The following MLLT3 variants were observed in gnomAD, a reference collection of about 807,000 sequenced individuals.
MLLT3 encodes protein AF-9.
Under a neutral mutation model 53.2 loss-of-function variants are expected in MLLT3, and 4 were observed. The ratio of observed to expected loss-of-function variants is 0.08; its 90% CI spans 0.04 to 0.17. The LOEUF is 0.17. Ranked by LOEUF, MLLT3 falls within the 10% of genes least tolerant of loss-of-function variation. The pLI is 1.00. For missense variants in MLLT3, 569 were observed against 684.0 expected, an observed-to-expected ratio of 0.83 and a Z score of 1.87; for synonymous variants, 283 against 230.6, an observed-to-expected ratio of 1.23 and a Z score of -2.06.
At position 20,346,162 on chromosome 9, in the gene MLLT3, T is replaced by G. The variant is rs1470668243; in HGVS notation, c.*281A>C. Reference sequence around the variant, plus strand: ...TTTCTTGTGTTGTGTTTGATTTGTTTGTTTTCAAGGCTATCCAGGCTAACT... The same window carrying G: ...TTTCTTGTGTTGTGTTTGATTTGTTGGTTTTCAAGGCTATCCAGGCTAACT... On this transcript the variant is annotated 3_prime_UTR_variant, in exon 11 of 11. Coordinates refer to ENST00000380338, the MANE Select transcript of MLLT3 (RefSeq NM_004529.4). The G allele has an allele frequency of 1.4e-5, 5 of 346,908 alleles. No homozygotes were observed. Among genetic ancestry groups the G allele is most frequent in the Non-Finnish European group, 2.1e-5 (4 of 189,640 alleles). 21.5% of individuals were successfully genotyped at this position (346,908 alleles called of 1,614,324 possible).
chr9:20,620,861 C>A lies in MLLT3; in HGVS notation c.13-27G>T, dbSNP rs369353127. 2.5e-6 allele frequency: 4 copies of A among 1,613,138 alleles called. No individual in the cohort carries two copies. The highest frequency in any genetic ancestry group is 2.5e-6 in the Non-Finnish European group (3 of 1,179,518). On this transcript the variant is annotated intron_variant, in intron 1 of 10. Coordinates refer to ENST00000380338, the MANE Select transcript of MLLT3 (RefSeq NM_004529.4). The surrounding 1 kb of genome is among the most constrained non-coding windows in gnomAD (Gnocchi z 6.1). Reference sequence around the variant, plus strand: ...TGCGGGCAGGGGGAGGAGAGACAGCCGTGAATAACAGGAAGGCGAGGTTTC... The same window carrying A: ...TGCGGGCAGGGGGAGGAGAGACAGCAGTGAATAACAGGAAGGCGAGGTTTC...
chr9:20,557,089 C>A (rs1819079020), intron 2 of MLLT3, among the ~76,000 whole-genome samples: 1 of 152,134 alleles, frequency 6.6e-6, no homozygotes, highest in Non-Finnish European at 1.5e-5. Context: ...CAGTTGGAGT[C>A]TCAGGAACAT....
At chr9:20,347,822 GAAT>G (rs1204160810) in intron 10 of MLLT3, among the ~76,000 whole-genome samples, 2 of 152,114 alleles carry the variant, frequency 1.3e-5, no homozygotes, top group African/African-American at 4.8e-5. Flanking sequence ...TTAAAAAAGA[GAAT>G]AATTTTAATT....
intron 2 of MLLT3, among the ~76,000 whole-genome samples, chr9:20,587,443 A>C (rs920578368): frequency 2.0e-5 from 3 of 152,150 alleles, no homozygotes; most frequent in African/African-American, 7.2e-5. Flanking sequence ...AGAGAGCCAA[A>C]ACTCAAACCA....
chr9:20,457,423 A>G (rs1490178862), intron 2 of MLLT3, among the ~76,000 whole-genome samples: 2 of 150,890 alleles, frequency 1.3e-5, no homozygotes, highest in African/African-American at 4.9e-5. Context: ...CTAATTTTGT[A>G]TTTTTAGTAG....
chr9:20,494,333 G>A (rs956017867), intron 2 of MLLT3, among the ~76,000 whole-genome samples: 2 of 151,966 alleles, frequency 1.3e-5, no homozygotes, highest in Non-Finnish European at 2.9e-5. Flanking sequence ...CAGGGGAGAA[G>A]AGGTTTATGC....
chr9:20,483,605 G>A (rs1011823386), intron 2 of MLLT3, among the ~76,000 whole-genome samples: 1 of 149,134 alleles, frequency 6.7e-6, no homozygotes, highest in Admixed American at 6.7e-5. Flanking sequence ...CCAGCAAACT[G>A]TTAATACCAT....
At chr9:20,470,566 T>A (rs778700662) in intron 2 of MLLT3, among the ~76,000 whole-genome samples, 14 of 152,040 alleles carry the variant, frequency 9.2e-5, no homozygotes, top group Non-Finnish European at 1.9e-4. Context: ...CCAGAAAGAC[T>A]ACCAAGAAAC....
intron 5 of MLLT3, among the ~76,000 whole-genome samples, chr9:20,366,845 G>C (rs1354589745): frequency 2.0e-5 from 3 of 152,194 alleles, no homozygotes; most frequent in African/African-American, 7.2e-5. Flanking sequence ...CTGGTCATTA[G>C]AGAAATACAG....
chr9:20,386,069 C>A (rs974511613), intron 5 of MLLT3, among the ~76,000 whole-genome samples: 2 of 152,176 alleles, frequency 1.3e-5, no homozygotes, highest in African/African-American at 4.8e-5. Context: ...CCAATGGGCA[C>A]TGCCATTTCT....
intron 2 of MLLT3, among the ~76,000 whole-genome samples, chr9:20,458,408 G>A (rs1824024732): frequency 6.6e-6 from 1 of 152,156 alleles, no homozygotes; most frequent in Non-Finnish European, 1.5e-5. Context: ...AGCTACCTCT[G>A]CAAAATTATT....
intron 4 of MLLT3, among the ~76,000 whole-genome samples, chr9:20,417,583 C>T (rs549491189): frequency 3.3e-5 from 5 of 152,008 alleles, no homozygotes; most frequent in South Asian, 2.1e-4. Context: ...ATCAAGCAAT[C>T]TAACACAGAG....
chr9:20,477,711 C>T (rs535608485), intron 2 of MLLT3, among the ~76,000 whole-genome samples: 1 of 152,286 alleles, frequency 6.6e-6, no homozygotes, highest in Non-Finnish European at 1.5e-5. Context: ...TCTGGCTCTA[C>T]AGTTCTCCTA....
chr9:20,350,437 T>C (rs1820984493), intron 10 of MLLT3, among the ~76,000 whole-genome samples: 1 of 150,818 alleles, frequency 6.6e-6, no homozygotes, highest in Non-Finnish European at 1.5e-5. Context: ...CTACTAAAAA[T>C]ACAAAAAATT....
chr9:20,428,246 A>T (rs1823184152), intron 4 of MLLT3, among the ~76,000 whole-genome samples: 1 of 152,106 alleles, frequency 6.6e-6, no homozygotes, highest in Admixed American at 6.5e-5. Flanking sequence ...CACTTTCAAA[A>T]TAGGGGCAAT....
intron 4 of MLLT3, among the ~76,000 whole-genome samples, chr9:20,415,697 C>T (rs1293717155): frequency 6.6e-6 from 1 of 151,968 alleles, no homozygotes; most frequent in African/African-American, 2.4e-5. Context: ...TAGCATGACA[C>T]AGGACAGTAA....
chr9:20,402,318 A>C (rs887353421), intron 5 of MLLT3, among the ~76,000 whole-genome samples: 1 of 152,090 alleles, frequency 6.6e-6, no homozygotes. Context: ...AGCTTTTGAG[A>C]TGTCCATCAG....
rs765208414 is a variant in MLLT3, at chr9:20,483,997, C to T, written c.194-27211G>A. On this transcript the variant is annotated intron_variant, in intron 2 of 10. Coordinates refer to ENST00000380338, the MANE Select transcript of MLLT3 (RefSeq NM_004529.4). ...AAGTGCTGGGATTACAGGAGTGAGC[C>T]ACCGTGCCCGGCCCAGTAAAACTCT... is the stretch of plus-strand genomic sequence containing the variant. Among the ~76,000 whole-genome samples the T allele has an allele frequency of 1.3e-5, 2 of 152,068 alleles. 1 individual carries two copies. Among genetic ancestry groups the T allele is most frequent in the African/African-American group, 4.8e-5 (2 of 41,394 alleles).
At chr9:20,502,080 T>C (rs6475449) in intron 2 of MLLT3, among the ~76,000 whole-genome samples, 37,188 of 78,880 alleles carry the variant, frequency 0.47, 6,341 homozygotes, top group African/African-American at 0.6. Context: ...AAACTCCATC[T>C]CAAAAAAAAA....
Sources: allele counts gnomAD v4.1 joint callset (sites outside exome capture counted in the v4.1 genomes callset), GRCh38; gene constraint gnomAD v4.1.1; non-coding constraint Gnocchi (gnomAD v3.1); transcripts MANE v1.5; gene names NCBI Gene and HGNC (gene_info 2026-07-23, HGNC 2026-07-21).